EHBP1: variants seen among roughly 807,000 people sequenced by gnomAD.
EHBP1 encodes the protein EH domain binding protein 1.
In EHBP1, 55 loss-of-function variants were observed where a neutral mutation model predicts 144.0. That is an observed-to-expected ratio of 0.38 (90% confidence interval 0.31 to 0.48). The LOEUF is 0.48. Among genes scored for constraint, EHBP1 ranks in the 20% least tolerant of loss-of-function variants. EHBP1 has a pLI of 0.98. For missense variants in EHBP1, 1,200 were observed against 1,364.2 expected, an observed-to-expected ratio of 0.88 and a Z score of 1.90; for synonymous variants, 469 against 472.7, an observed-to-expected ratio of 0.99 and a Z score of 0.10.
chr2:63,027,011 T>C (rs2061009961), intron 19 of EHBP1, among the ~76,000 whole-genome samples: 1 of 152,216 alleles, frequency 6.6e-6, no homozygotes, highest in Non-Finnish European at 1.5e-5. Context: ...AAAGTTGGCC[T>C]GAATTCTAAA....
intron 5 of EHBP1, among the ~76,000 whole-genome samples, chr2:62,794,860 G>T (rs1242179510): frequency 6.6e-6 from 1 of 152,002 alleles, no homozygotes; most frequent in African/African-American, 2.4e-5. Flanking sequence ...TTTATTGTTT[G>T]TGAGCCTAAA....
At chr2:62,679,935 C>G (rs971704010) in intron 1 of EHBP1, among the ~76,000 whole-genome samples, 3 of 152,204 alleles carry the variant, frequency 2.0e-5, no homozygotes, top group African/African-American at 7.2e-5. Flanking sequence ...CATGCTTCAT[C>G]TGAGCGTTTA....
intron 7 of EHBP1, among the ~76,000 whole-genome samples, chr2:62,831,717 A>C (rs1030617169): frequency 2.0e-5 from 3 of 152,188 alleles, no homozygotes; most frequent in African/African-American, 7.2e-5. Flanking sequence ...CAATTTGGCT[A>C]TCACACTTAA....
At chr2:62,677,031 C>T (rs920960503) in intron 1 of EHBP1, among the ~76,000 whole-genome samples, 6 of 152,096 alleles carry the variant, frequency 3.9e-5, no homozygotes, top group Non-Finnish European at 7.3e-5. Context: ...GGCATGGTGG[C>T]ACATTCTCGC....
At chr2:62,743,964 C>T (rs1187257496) in intron 2 of EHBP1, among the ~76,000 whole-genome samples, 1 of 152,038 alleles carries the variant, frequency 6.6e-6, no homozygotes, top group Admixed American at 6.6e-5. Context: ...ACAAAGCATG[C>T]CGTCTTCAGA....
intron 10 of EHBP1, among the ~76,000 whole-genome samples, chr2:62,918,089 G>A (rs758516081): frequency 1.3e-5 from 2 of 152,006 alleles, no homozygotes; most frequent in Non-Finnish European, 2.9e-5. Flanking sequence ...TAGAGATGGA[G>A]TTTTGCCATG....
At chr2:62,757,500 C>A (rs1482012970) in intron 3 of EHBP1, among the ~76,000 whole-genome samples, 9 of 133,606 alleles carry the variant, frequency 6.7e-5, no homozygotes, top group African/African-American at 2.6e-4. Context: ...GTGGGATGAT[C>A]TCGGCGCACT....
At chr2:62,908,408 C>T (rs1248556421) in intron 10 of EHBP1, among the ~76,000 whole-genome samples, 1 of 152,010 alleles carries the variant, frequency 6.6e-6, no homozygotes, top group East Asian at 1.9e-4. Context: ...CCTAGCTGTT[C>T]GTTCCATTGA....
At position 62,795,903 on chromosome 2, in the gene EHBP1, C is replaced by A. The variant is rs540962916; in HGVS notation, c.312+24511C>A. ...AAAGGCAATCATAGTATAAATTGGA[C>A]TTGATTTTATGCTCTAAGATTGTAA... is the stretch of plus-strand genomic sequence containing the variant. On this transcript the variant is annotated intron_variant, in intron 5 of 22. Coordinates refer to ENST00000431489, the MANE Select transcript of EHBP1 (RefSeq NM_001142616.3). 2.6e-5 allele frequency among the ~76,000 whole-genome samples: 4 copies of A among 151,966 alleles called. No individual in the cohort carries two copies. The East Asian group carries it at 7.8e-4, about 30-fold the overall frequency.
rs182377080 is a variant in EHBP1, at chr2:63,029,199, C to T, written c.3104-8336C>T. 1.6e-3 allele frequency among the ~76,000 whole-genome samples: 241 copies of T among 151,850 alleles called. 1 individual carries two copies. The highest frequency in any genetic ancestry group is 5.6e-3 in the African/African-American group (232 of 41,384). The stretch of plus-strand genomic sequence containing the variant: ...CATTGTTATGTTACCATAGCTATGG[C>T]TATCTTTTGTAGGCCACAGTGACAC... On this transcript the variant is annotated intron_variant, in intron 19 of 22. Coordinates refer to ENST00000431489, the MANE Select transcript of EHBP1 (RefSeq NM_001142616.3).
At chr2:62,952,418 G>A (rs2057439362) in intron 13 of EHBP1, among the ~76,000 whole-genome samples, 1 of 152,124 alleles carries the variant, frequency 6.6e-6, no homozygotes, top group Non-Finnish European at 1.5e-5. Context: ...GTGTATTAGA[G>A]TTTAATTGAC....
intron 10 of EHBP1, among the ~76,000 whole-genome samples, chr2:62,913,260 A>G (rs960987798): frequency 6.6e-6 from 1 of 152,192 alleles, no homozygotes; most frequent in Non-Finnish European, 1.5e-5. Flanking sequence ...AGTATATTCA[A>G]TTATAATGTT....
chr2:63,042,829 T>C (rs1218462553), intron 21 of EHBP1, among the ~76,000 whole-genome samples: 1 of 151,944 alleles, frequency 6.6e-6, no homozygotes, highest in Non-Finnish European at 1.5e-5. Context: ...TTAAGAAAAT[T>C]ATATGTGTTG....
At chr2:62,992,519 A>G (rs2059454641) in intron 16 of EHBP1, among the ~76,000 whole-genome samples, 1 of 152,204 alleles carries the variant, frequency 6.6e-6, no homozygotes, top group African/African-American at 2.4e-5. Context: ...TTTAGTTAAG[A>G]TTTTGAAAAT....
At chr2:62,749,201 G>T (rs564418210) in intron 3 of EHBP1, among the ~76,000 whole-genome samples, 1 of 151,004 alleles carries the variant, frequency 6.6e-6, no homozygotes, top group Admixed American at 6.6e-5. Flanking sequence ...TGTTCTCATT[G>T]TTCAATTCCC....
intron 5 of EHBP1, among the ~76,000 whole-genome samples, chr2:62,811,403 G>C (rs563453046): frequency 4.6e-5 from 7 of 152,338 alleles, no homozygotes; most frequent in East Asian, 1.9e-4. Context: ...TGACAGCTTG[G>C]AGGACCAGCA....
intron 14 of EHBP1, among the ~76,000 whole-genome samples, chr2:62,970,513 C>T (rs2058450911): frequency 6.6e-6 from 1 of 152,018 alleles, no homozygotes; most frequent in Non-Finnish European, 1.5e-5. Context: ...TTTGTTAAGG[C>T]TTATTTCATG....
chr2:62,880,971 C>T (rs2051356005), intron 10 of EHBP1, among the ~76,000 whole-genome samples: 1 of 151,986 alleles, frequency 6.6e-6, no homozygotes, highest in Non-Finnish European at 1.5e-5. Flanking sequence ...CAATAGAAAA[C>T]ACACTTGATC....
intron 19 of EHBP1, among the ~76,000 whole-genome samples, chr2:63,026,334 G>C (rs969079128): frequency 2.5e-4 from 38 of 150,098 alleles, no homozygotes; most frequent in Middle Eastern, 6.8e-3. Flanking sequence ...GTGTGTGTGT[G>C]TGTGTGTGTG....
Sources: gnomAD v4.1 joint callset for allele counts (sites outside exome capture counted in the v4.1 genomes callset) on GRCh38, gnomAD v4.1.1 for gene constraint, MANE v1.5 for transcripts, NCBI Gene and HGNC (gene_info 2026-07-23, HGNC 2026-07-21) for gene names.